UBAP2L: variants seen among roughly 807,000 people sequenced by gnomAD.
The protein encoded by UBAP2L is ubiquitin associated protein 2 like, also known as ubiquitin-associated protein 2-like.
Under a neutral mutation model 130.6 loss-of-function variants are expected in UBAP2L, and 12 were observed. The observed-to-expected ratio is 0.09, with a 90% CI of 0.06 to 0.15. The LOEUF is 0.15. UBAP2L is among the 10% of genes least tolerant of loss of function. UBAP2L has a pLI of 1.00. For missense variants in UBAP2L, 965 were observed against 1,332.5 expected, an observed-to-expected ratio of 0.72 and a Z score of 4.29; for synonymous variants, 503 against 524.7, an observed-to-expected ratio of 0.96 and a Z score of 0.57.
chr1:154,266,223 G>A (rs553753947), intron 24 of UBAP2L, among the ~76,000 whole-genome samples: 29 of 152,154 alleles, frequency 1.9e-4, no homozygotes, highest in Non-Finnish European at 3.4e-4. Flanking sequence ...AACAGTGTAT[G>A]CTAGTGAGGT....
At chr1:154,245,016 C>T (rs1674918850) in intron 10 of UBAP2L, among the ~76,000 whole-genome samples, 1 of 152,068 alleles carries the variant, frequency 6.6e-6, no homozygotes, top group Admixed American at 6.6e-5. Context: ...ACTGCAACCT[C>T]CGCCTCCCAG....
Position 154,249,200 on chromosome 1 carries a change from C to T in UBAP2L, c.1015-39C>T, listed in dbSNP as rs371215502. 10 of 1,604,680 alleles carry T rather than the reference C, an allele frequency of 6.2e-6. No homozygotes were observed. In the African/African-American group the frequency reaches 9.4e-5, roughly 15 times the overall value. ...CTTTATGAGTAGCTGAACAAGGTTA[C>T]TGGCTGTAGGTTTCTCTCATCTCTT... is the stretch of plus-strand genomic sequence containing the variant. On this transcript the variant is annotated intron_variant, in intron 11 of 26. Transcript: ENST00000428931.
At chr1:154,266,646 T>A in intron 25 of UBAP2L, 78 bp downstream of exon 25, 1 of 1,473,562 alleles carries the variant, frequency 6.8e-7, no homozygotes, top group Non-Finnish European at 9.5e-7. Flanking sequence ...GAAATAACAG[T>A]GGACAAGAAG....
At chr1:154,265,134 G>C (rs578162870) in intron 24 of UBAP2L, among the ~76,000 whole-genome samples, 5 of 152,258 alleles carry the variant, frequency 3.3e-5, no homozygotes, top group African/African-American at 1.2e-4. Flanking sequence ...CCCCTCCCAG[G>C]AACTATCTGG....
At chr1:154,271,138 G>A, downstream of UBAP2L, 2 of 577,758 alleles carry the variant, frequency 3.5e-6, no homozygotes, top group Non-Finnish European at 3.0e-6. Flanking sequence ...ATCTACAGCC[G>A]ATTTCAGGCA....
intron 14 of UBAP2L, among the ~76,000 whole-genome samples, chr1:154,253,276 A>G (rs1013883751): frequency 6.6e-6 from 1 of 152,226 alleles, no homozygotes; most frequent in Non-Finnish European, 1.5e-5. Flanking sequence ...TGCTGGGATT[A>G]CAGGCATGAG....
chr1:154,226,659 T>C (rs1194790781), intron 2 of UBAP2L, among the ~76,000 whole-genome samples: 1 of 152,152 alleles, frequency 6.6e-6, no homozygotes, highest in Non-Finnish European at 1.5e-5. Flanking sequence ...GAAATAAGAA[T>C]AGAGTTTACA....
In UBAP2L at chr1:154,251,280, C is replaced by T. The variant is rs1384837463; in HGVS notation, c.1453C>T (p.Leu485=). The T allele has an allele frequency of 6.2e-7, 1 of 1,613,906 alleles. No homozygotes were observed. Among genetic ancestry groups the T allele is most frequent in the African/African-American group, 1.3e-5 (1 of 74,970 alleles). The part of the protein sequence containing the change: ...SSSPQPAQQK[L]KQQKKKASLT... ...TAGCCCTCAGCCGGCTCAGCAGAAA[C>T]TGAAACAGCAGAAGAAAAAAGCCTC... The change falls in exon 13 of 27, where the codon CTG becomes TTG. Residue 485 remains leucine, a synonymous_variant. Transcript: ENST00000428931.
chr1:154,261,348 G>C (rs942731177), intron 23 of UBAP2L, among the ~76,000 whole-genome samples: 3 of 152,236 alleles, frequency 2.0e-5, no homozygotes, highest in East Asian at 1.9e-4. Context: ...ATACAGCTTT[G>C]CTTCACTCAG....
In UBAP2L at chr1:154,254,033, C is replaced by T. The variant is rs1678790138; in HGVS notation, c.1798C>T (p.Arg600Trp). 2 of 1,609,492 alleles carry T rather than the reference C, an allele frequency of 1.2e-6. No homozygotes were observed. The highest frequency in any genetic ancestry group is 1.7e-6 in the Non-Finnish European group (2 of 1,178,104). The change falls in exon 15 of 27, where the codon CGG (arginine) becomes TGG (tryptophan). Residue 600 changes from arginine (R) to tryptophan (W), a missense_variant. Around this residue, in one of 9 missense-constraint regions of UBAP2L, gnomAD observed 393 missense variants for 408.1 expected, o/e 0.96. Transcript: ENST00000428931. ...TTATGAACAGAGATCCACACAGACT[C>T]GGCGGTACCCCAGCTCCATCTCTTC... is the stretch of plus-strand genomic sequence containing the variant. ...PLYEQRSTQT[R>W]RYPSSISSSP...
intron 24 of UBAP2L, among the ~76,000 whole-genome samples, chr1:154,262,094 T>C (rs1407928047): frequency 1.3e-5 from 2 of 152,192 alleles, no homozygotes; most frequent in Non-Finnish European, 2.9e-5. Context: ...AATGGGTTCA[T>C]AGCTAGCAGC....
chr1:154,265,960 G>A (rs2149079844), intron 24 of UBAP2L, among the ~76,000 whole-genome samples: 1 of 152,268 alleles, frequency 6.6e-6, no homozygotes, highest in South Asian at 2.1e-4. Flanking sequence ...GACTAAAGAA[G>A]CTGGACTAAT....
At position 154,251,113 on chromosome 1, in the gene UBAP2L, C is replaced by T; in HGVS notation, c.1286C>T (p.Thr429Ile). 1 of 1,614,170 alleles carries T rather than the reference C, an allele frequency of 6.2e-7. No individual in the cohort carries two copies. The highest frequency in any genetic ancestry group is 8.5e-7 in the Non-Finnish European group (1 of 1,180,028). Reference sequence around the variant, plus strand: ...CGCCAGGCTTTTACCCCATCTTCAACCATGATGGAGGTGTTCCTTCAGGAG... The same window carrying T: ...CGCCAGGCTTTTACCCCATCTTCAATCATGATGGAGGTGTTCCTTCAGGAG... ...TKRQAFTPSS[T>I]MMEVFLQEKS... is the part of the protein sequence containing the mutation. Residue 429 changes from threonine to isoleucine, a missense_variant, in exon 13 of 27, where the codon ACC becomes ATC. Transcript: ENST00000428931.
intron 24 of UBAP2L, 153 bp from the exon 25 acceptor site, chr1:154,266,348 T>A: frequency 1.3e-6 from 1 of 753,318 alleles, no homozygotes; most frequent in Non-Finnish European, 2.4e-6. Context: ...TTTCATGAAC[T>A]CTTACCTCTC....
At position 154,234,748 on chromosome 1, in the gene UBAP2L, G is replaced by C; in HGVS notation, c.437G>C (p.Arg146Pro). ...CCAAGACGGGGGAGAGGTGCCAGCC[G>C]TGGACGAGAGTGTATGCATGGGGCT... ...GPPRRGRGAS[R>P]GREFRGQENG... is the part of the protein sequence containing the mutation. Residue 146 changes from arginine (R) to proline (P), a missense_variant, in exon 5 of 27, where the codon CGT becomes CCT. Coordinates refer to ENST00000428931, the MANE Select transcript of UBAP2L (RefSeq NM_014847.4). 6.3e-7 allele frequency: 1 copy of C among 1,593,518 alleles called. No individual in the cohort carries two copies. The highest frequency in any genetic ancestry group is 8.6e-7 in the Non-Finnish European group (1 of 1,168,988).
At chr1:154,231,518 C>CTCTA (rs1669830955) in intron 4 of UBAP2L, among the ~76,000 whole-genome samples, 2 of 152,078 alleles carry the variant, frequency 1.3e-5, no homozygotes, top group South Asian at 4.1e-4. Flanking sequence ...CTAGGATGGT[C>CTCTA]TCTAACTCCT....
intron 1 of UBAP2L, among the ~76,000 whole-genome samples, chr1:154,223,493 T>C (rs1225868183): frequency 1.3e-5 from 2 of 148,790 alleles, no homozygotes; most frequent in African/African-American, 5.0e-5. Context: ...TGTAGTCTTG[T>C]TGATTTGGAT....
chr1:154,265,332 A>G (rs953412093), intron 24 of UBAP2L, among the ~76,000 whole-genome samples: 15 of 152,168 alleles, frequency 9.9e-5, no homozygotes, highest in African/African-American at 3.6e-4. Flanking sequence ...CTGCTTCTAA[A>G]ACTCTTTTCC....
chr1:154,253,383 ATTTTT>A (rs1173992099), intron 14 of UBAP2L, among the ~76,000 whole-genome samples: 1 of 123,772 alleles, frequency 8.1e-6, no homozygotes, highest in Non-Finnish European at 1.7e-5. Flanking sequence ...TGTTTTTAAG[ATTTTT>A]TTTTTTTTTT....
Sources: allele counts gnomAD v4.1 joint callset (sites outside exome capture counted in the v4.1 genomes callset), GRCh38; gene constraint gnomAD v4.1.1; regional missense constraint gnomAD v4.1.1; transcripts MANE v1.5; gene names NCBI Gene and HGNC (gene_info 2026-07-23, HGNC 2026-07-21).